Variants in KALRN observed in about 807,000 individuals in gnomAD.
KALRN encodes the protein kalirin.
KALRN carries 70 observed loss-of-function variants against 353.7 expected under a neutral mutation model. The observed-to-expected ratio is 0.20, with a 90% CI of 0.16 to 0.24. The LOEUF is 0.24. Among genes scored for constraint, KALRN ranks in the 10% least tolerant of loss-of-function variants. The pLI is 1.00. For synonymous variants in KALRN, 1,391 were observed against 1,434.8 expected (o/e 0.97, Z 0.69); for missense variants, 2,791 against 3,756.7 (o/e 0.74, Z 6.72).
chr3:124,619,686 C>T lies in KALRN; in HGVS notation c.5183-12734C>T, dbSNP rs571813713. On this transcript the variant is annotated intron_variant, in intron 34 of 59. Coordinates refer to ENST00000682506, the MANE Select transcript of KALRN (RefSeq NM_001388419.1). ...ATTCTTTGTAGAGACAGGGTCTCAC[C>T]ATGTTGTCCAGGCTGGTCTTGAACT... 1.1e-4 allele frequency among the ~76,000 whole-genome samples: 16 copies of T among 152,074 alleles called. No individual in the cohort carries two copies. In the South Asian group the frequency reaches 3.1e-3, roughly 30 times the overall value.
At chr3:124,691,619 G>T (rs192162296) in intron 51 of KALRN, among the ~76,000 whole-genome samples, 2 of 152,300 alleles carry the variant, frequency 1.3e-5, no homozygotes, top group South Asian at 2.1e-4. Flanking sequence ...GACAAGGTCA[G>T]TTAATGTTTT....
chr3:124,623,427 C>CACACACACACA (rs139583497), intron 34 of KALRN, among the ~76,000 whole-genome samples: 1 of 147,016 alleles, frequency 6.8e-6, no homozygotes, highest in Non-Finnish European at 1.5e-5. Context: ...CACACACACA[C>CACACACACACA]AAAAGGGAGT....
chr3:124,509,302 G>A (rs749563269), intron 33 of KALRN, among the ~76,000 whole-genome samples: 3 of 152,042 alleles, frequency 2.0e-5, no homozygotes, highest in African/African-American at 4.8e-5. Flanking sequence ...TCCACCTCCC[G>A]GGTTCAAGCA....
At chr3:124,204,827 G>A (rs984519321) in intron 1 of KALRN, among the ~76,000 whole-genome samples, 8 of 152,228 alleles carry the variant, frequency 5.3e-5, no homozygotes, top group African/African-American at 1.9e-4. Context: ...CCTCCGCACT[G>A]CTCCAGAATT....
intron 1 of KALRN, among the ~76,000 whole-genome samples, chr3:124,039,512 A>G (rs1423038127): frequency 5.9e-5 from 9 of 152,246 alleles, no homozygotes; most frequent in Non-Finnish European, 1.3e-4. Flanking sequence ...ATAAGCAGCT[A>G]TTGAATCTAA....
At chr3:124,645,653 T>TGTG (rs1487146617) in intron 37 of KALRN, among the ~76,000 whole-genome samples, 5 of 137,272 alleles carry the variant, frequency 3.6e-5, no homozygotes, top group African/African-American at 1.3e-4. Flanking sequence ...TCTCTCTCTC[T>TGTG]CTCTCTGTGC....
chr3:124,190,263 C>A (rs998891819), intron 1 of KALRN, among the ~76,000 whole-genome samples: 4 of 152,104 alleles, frequency 2.6e-5, no homozygotes, highest in African/African-American at 9.7e-5. Flanking sequence ...GTATGGCTGG[C>A]CCCCCACTGC....
intron 34 of KALRN, among the ~76,000 whole-genome samples, chr3:124,602,772 T>A: frequency 6.6e-6 from 1 of 152,204 alleles, no homozygotes; most frequent in Non-Finnish European, 1.5e-5. Context: ...TGTGTGACTG[T>A]AGCATCCTTA....
chr3:124,324,931 T>G (rs1232237399), intron 6 of KALRN, among the ~76,000 whole-genome samples: 1 of 152,212 alleles, frequency 6.6e-6, no homozygotes, highest in Non-Finnish European at 1.5e-5. Context: ...GCCTCCCTGG[T>G]CCTCCTTCAT....
chr3:124,472,701 C>T (rs1312580928), intron 25 of KALRN, among the ~76,000 whole-genome samples: 1 of 151,526 alleles, frequency 6.6e-6, no homozygotes, highest in African/African-American at 2.4e-5. Context: ...TAAGTTTGAT[C>T]CTCAATTATA....
intron 53 of KALRN, among the ~76,000 whole-genome samples, chr3:124,695,543 G>T (rs569778827): frequency 6.6e-6 from 1 of 152,138 alleles, no homozygotes; most frequent in Admixed American, 6.5e-5. Context: ...CTAGGGAAGG[G>T]GCAGAGCTGA....
intron 34 of KALRN, among the ~76,000 whole-genome samples, chr3:124,595,346 A>C (rs906190285): frequency 1.3e-5 from 2 of 152,336 alleles, no homozygotes; most frequent in South Asian, 2.1e-4. Context: ...TTTCCAGAGC[A>C]GATTATTAAA....
At chr3:124,621,420 G>A (rs1472003053) in intron 34 of KALRN, among the ~76,000 whole-genome samples, 3 of 152,212 alleles carry the variant, frequency 2.0e-5, no homozygotes, top group African/African-American at 7.2e-5. Flanking sequence ...TTGGAAAAGA[G>A]ACTCCTAAAC....
At chr3:124,150,337 ATAAAT>A (rs2067922834) in intron 1 of KALRN, among the ~76,000 whole-genome samples, 1 of 152,238 alleles carries the variant, frequency 6.6e-6, no homozygotes, top group Non-Finnish European at 1.5e-5. Context: ...TAGATACTAA[ATAAAT>A]TAAAAAGCAA....
chr3:124,441,712 G>C (rs149219989), intron 18 of KALRN, among the ~76,000 whole-genome samples: 1 of 152,000 alleles, frequency 6.6e-6, no homozygotes, highest in Non-Finnish European at 1.5e-5. Flanking sequence ...TGTAGTCCCA[G>C]CTACTCAGGA....
chr3:124,458,350 T>A (rs941547824), intron 23 of KALRN, among the ~76,000 whole-genome samples: 8 of 152,184 alleles, frequency 5.3e-5, no homozygotes, highest in Non-Finnish European at 1.0e-4. Flanking sequence ...CTTCCTTTTT[T>A]TCCTGTTTGG....
At chr3:124,527,497 T>G (rs1469012229) in intron 33 of KALRN, among the ~76,000 whole-genome samples, 1 of 151,780 alleles carries the variant, frequency 6.6e-6, no homozygotes, top group Admixed American at 6.6e-5. Flanking sequence ...TAGTCCCAGC[T>G]ACTCAGGAGG....
At chr3:124,123,491 G>C (rs2064279693) in intron 1 of KALRN, among the ~76,000 whole-genome samples, 1 of 152,188 alleles carries the variant, frequency 6.6e-6, no homozygotes, top group Non-Finnish European at 1.5e-5. Flanking sequence ...AAAGTTTGAA[G>C]CTAGCAGAGG....
chr3:124,654,237 C>T (rs2083737786), intron 38 of KALRN, among the ~76,000 whole-genome samples: 1 of 152,194 alleles, frequency 6.6e-6, no homozygotes, highest in South Asian at 2.1e-4. Flanking sequence ...TGGCCTAAAA[C>T]ACATGATTGT....
Sources: allele counts gnomAD v4.1 joint callset (sites outside exome capture counted in the v4.1 genomes callset), GRCh38; gene constraint gnomAD v4.1.1; transcripts MANE v1.5; gene names NCBI Gene and HGNC (gene_info 2026-07-23, HGNC 2026-07-21).